Variants in SPAG16 observed in about 807,000 individuals in gnomAD.
SPAG16 encodes the protein sperm-associated antigen 16 protein.
Under a neutral mutation model 80.4 loss-of-function variants are expected in SPAG16, and 86 were observed. That is an observed-to-expected ratio of 1.07 (90% CI 0.90 to 1.28). The LOEUF (loss-of-function observed/expected upper bound fraction) is 1.28, where lower values mean the gene tolerates loss of function less well. Ranked by LOEUF, SPAG16 falls within the 50% of genes most tolerant of loss-of-function variation. The pLI, the probability that SPAG16 is intolerant of heterozygous loss-of-function variation, is 0.00. For synonymous variants in SPAG16, 294 were observed against 265.9 expected (o/e 1.11, Z -1.03); for missense variants, 870 against 765.3 (o/e 1.14, Z -1.61).
chr2:213,375,655 A>C (rs1415720798), intron 9 of SPAG16, among the ~76,000 whole-genome samples: 2 of 152,210 alleles, frequency 1.3e-5, no homozygotes, highest in African/African-American at 2.4e-5. Context: ...AGAAAATTAC[A>C]TAAAACCTGT....
chr2:214,213,367 G>T (rs1181347753), intron 15 of SPAG16, among the ~76,000 whole-genome samples: 2 of 152,082 alleles, frequency 1.3e-5, no homozygotes, highest in African/African-American at 4.8e-5. Context: ...TGACTTCACA[G>T]AACTCCATAC....
intron 10 of SPAG16, among the ~76,000 whole-genome samples, chr2:213,638,335 GATTATC>G (rs2062450358): frequency 6.6e-6 from 1 of 151,992 alleles, no homozygotes; most frequent in East Asian, 1.9e-4. Flanking sequence ...TGTAACCTTA[GATTATC>G]TATTCATGCT....
At chr2:213,367,500 A>C (rs1374767657) in intron 8 of SPAG16, among the ~76,000 whole-genome samples, 1 of 152,266 alleles carries the variant, frequency 6.6e-6, no homozygotes, top group African/African-American at 2.4e-5. Flanking sequence ...GTGAGATGGT[A>C]TCTCATTGTG....
chr2:214,186,101 T>C (rs2057462818), intron 15 of SPAG16, among the ~76,000 whole-genome samples: 1 of 152,166 alleles, frequency 6.6e-6, no homozygotes, highest in South Asian at 2.1e-4. Context: ...GAAAATTAAA[T>C]GATTCTTTCA....
chr2:213,911,538 A>G (rs1158084038), intron 11 of SPAG16, among the ~76,000 whole-genome samples: 1 of 152,246 alleles, frequency 6.6e-6, no homozygotes, highest in African/African-American at 2.4e-5. Flanking sequence ...TAATGAAACC[A>G]TTATAGGAAA....
At position 213,793,874 on chromosome 2, in the gene SPAG16, G is replaced by A. The variant is rs138749206; in HGVS notation, c.1071-68611G>A. On this transcript the variant is annotated intron_variant, in intron 10 of 15. Transcript: ENST00000331683. ...TACCTATATAATTTATTAATGGGCC[G>A]TGCATAAATGAGACACTTCTCAGTG... Among the ~76,000 whole-genome samples the A allele has an allele frequency of 2.9e-3, 447 of 152,162 alleles. 1 individual carries two copies. Among genetic ancestry groups the A allele is most frequent in the Non-Finnish European group, 5.3e-3 (357 of 67,968 alleles).
chr2:214,043,381 T>G lies in SPAG16; in HGVS notation c.1527+29304T>G, dbSNP rs555343043. Among the ~76,000 whole-genome samples the G allele has an allele frequency of 1.2e-4, 18 of 152,252 alleles. No homozygotes were observed. The East Asian group carries it at 3.5e-3, about 29-fold the overall frequency. Reference sequence around the variant, plus strand: ...TATCTATAGTCCATTTAACCAAATATCTCATTAGCAAGGAGGTAGAATGGG... The same window carrying G: ...TATCTATAGTCCATTTAACCAAATAGCTCATTAGCAAGGAGGTAGAATGGG... On this transcript the variant is annotated intron_variant, in intron 13 of 15. Coordinates refer to ENST00000331683, the MANE Select transcript of SPAG16 (RefSeq NM_024532.5).
chr2:213,965,034 G>A (rs896917068), intron 12 of SPAG16, among the ~76,000 whole-genome samples: 1 of 152,120 alleles, frequency 6.6e-6, no homozygotes, highest in Non-Finnish European at 1.5e-5. Context: ...GGACATTTTA[G>A]AAAATACAAT....
chr2:213,712,320 TATATC>T (rs898406295), intron 10 of SPAG16, among the ~76,000 whole-genome samples: 3 of 152,164 alleles, frequency 2.0e-5, no homozygotes, highest in African/African-American at 7.2e-5. Context: ...AGGGAAATAA[TATATC>T]AGCAAGATAG....
intron 15 of SPAG16, among the ~76,000 whole-genome samples, chr2:214,364,234 C>G (rs185534383): frequency 2.4e-4 from 37 of 152,102 alleles, no homozygotes; most frequent in Non-Finnish European, 7.4e-5. Context: ...CGGACATATA[C>G]CAGATTCTCA....
intron 9 of SPAG16, among the ~76,000 whole-genome samples, chr2:213,380,966 G>T (rs1243067772): frequency 2.0e-5 from 3 of 152,156 alleles, no homozygotes; most frequent in African/African-American, 7.2e-5. Flanking sequence ...GGCCCACTAG[G>T]CATTGTGCCT....
At chr2:214,069,127 A>G (rs1435523413) in intron 13 of SPAG16, among the ~76,000 whole-genome samples, 2 of 152,152 alleles carry the variant, frequency 1.3e-5, no homozygotes. Context: ...ATTATTTCCT[A>G]CATAAGATAA....
chr2:214,359,802 T>A (rs1699062177), intron 15 of SPAG16, among the ~76,000 whole-genome samples: 1 of 151,856 alleles, frequency 6.6e-6, no homozygotes, highest in Non-Finnish European at 1.5e-5. Context: ...GAGAAAATTT[T>A]TGAGATAAAT....
chr2:213,935,841 C>A (rs1189191546), intron 12 of SPAG16, among the ~76,000 whole-genome samples: 1 of 152,116 alleles, frequency 6.6e-6, no homozygotes, highest in Non-Finnish European at 1.5e-5. Flanking sequence ...GCACTTACTT[C>A]GTTCTATGCC....
At chr2:214,156,774 A>C (rs1032347687) in intron 15 of SPAG16, among the ~76,000 whole-genome samples, 7 of 152,178 alleles carry the variant, frequency 4.6e-5, no homozygotes, top group Admixed American at 6.6e-5. Flanking sequence ...AACCTGGATG[A>C]GTGAATGAGA....
intron 11 of SPAG16, among the ~76,000 whole-genome samples, chr2:213,878,611 A>G (rs1330585580): frequency 1.3e-5 from 2 of 152,036 alleles, no homozygotes; most frequent in Admixed American, 1.3e-4. Flanking sequence ...GGTTGCCTGT[A>G]TACTCTGTTG....
intron 9 of SPAG16, among the ~76,000 whole-genome samples, chr2:213,469,068 G>A (rs1487533966): frequency 6.6e-6 from 1 of 151,800 alleles, no homozygotes; most frequent in African/African-American, 2.4e-5. Context: ...ATGTTCTTTG[G>A]CAACACCCTC....
At chr2:213,718,881 AC>A (rs1250255116) in intron 10 of SPAG16, among the ~76,000 whole-genome samples, 2 of 152,160 alleles carry the variant, frequency 1.3e-5, no homozygotes, top group African/African-American at 4.8e-5. Flanking sequence ...ATGCGAGCAC[AC>A]GGCGCAGGAC....
chr2:213,470,351 G>A (rs976081022), intron 9 of SPAG16, among the ~76,000 whole-genome samples: 21 of 152,156 alleles, frequency 1.4e-4, no homozygotes, highest in African/African-American at 5.1e-4. Context: ...ATGCTGTGTG[G>A]AATAACATGA....
Sources: gnomAD v4.1 joint callset for allele counts (sites outside exome capture counted in the v4.1 genomes callset) on GRCh38, gnomAD v4.1.1 for gene constraint, MANE v1.5 for transcripts, NCBI Gene and HGNC (gene_info 2026-07-23, HGNC 2026-07-21) for gene names.